The following COX7B2 variants were observed in gnomAD, a reference collection of about 807,000 sequenced individuals.
The protein encoded by COX7B2 is cytochrome c oxidase subunit 7B2, mitochondrial.
For synonymous variants in COX7B2, 37 were observed against 32.1 expected (o/e 1.15, Z -0.51); for missense variants, 109 against 95.9 (o/e 1.14, Z -0.57).
intron 2 of COX7B2, among the ~76,000 whole-genome samples, chr4:46,775,312 G>T (rs1295639380): frequency 1.3e-5 from 2 of 152,050 alleles, no homozygotes; most frequent in African/African-American, 4.8e-5. Flanking sequence ...TAGTGTTACG[G>T]TCATATGTTG....
intron 2 of COX7B2, among the ~76,000 whole-genome samples, chr4:46,761,396 C>T (rs1716136783): frequency 6.6e-6 from 1 of 152,248 alleles, no homozygotes; most frequent in African/African-American, 2.4e-5. Flanking sequence ...TTACAAATGG[C>T]CTTCACTAAA....
In COX7B2 at chr4:46,839,609, T is replaced by C. The variant is rs1056290590; in HGVS notation, c.-50+5351A>G. ...ACACGAGAGATTCATTTCCTGATTATCGAAATTTTTCATATTTTAGGGCAT... is the reference window on the plus strand; with the variant it reads ...ACACGAGAGATTCATTTCCTGATTACCGAAATTTTTCATATTTTAGGGCAT... On this transcript the variant is annotated intron_variant, in intron 2 of 2. Coordinates refer to ENST00000355591, the MANE Select transcript of COX7B2 (RefSeq NM_130902.3). 2.6e-5 allele frequency among the ~76,000 whole-genome samples: 4 copies of C among 152,074 alleles called. No homozygotes were observed. The South Asian group carries it at 8.3e-4, about 32-fold the overall frequency.
At chr4:46,749,518 T>C (rs1715220630) in intron 2 of COX7B2, among the ~76,000 whole-genome samples, 1 of 152,108 alleles carries the variant, frequency 6.6e-6, no homozygotes, top group Non-Finnish European at 1.5e-5. Flanking sequence ...TAATTTACAT[T>C]AAAAATATTG....
chr4:46,746,574 A>G (rs1397748928), intron 2 of COX7B2, among the ~76,000 whole-genome samples: 1 of 152,130 alleles, frequency 6.6e-6, no homozygotes, highest in Non-Finnish European at 1.5e-5. Flanking sequence ...ATTGAGAGAG[A>G]CCAGTGGACT....
intron 2 of COX7B2, among the ~76,000 whole-genome samples, chr4:46,788,140 A>G (rs2109575458): frequency 6.6e-6 from 1 of 152,344 alleles, no homozygotes; most frequent in African/African-American, 2.4e-5. Flanking sequence ...GAGTAGTAGT[A>G]GAGTAAAACA....
intron 1 of COX7B2, among the ~76,000 whole-genome samples, chr4:46,845,341 A>G (rs1402204464): frequency 6.6e-6 from 1 of 151,734 alleles, no homozygotes; most frequent in African/African-American, 2.4e-5. Context: ...CCTGTACCCA[A>G]CCTCAAATGG....
intron 2 of COX7B2, among the ~76,000 whole-genome samples, chr4:46,833,069 C>G (rs1203442948): frequency 6.6e-6 from 1 of 152,102 alleles, no homozygotes; most frequent in Non-Finnish European, 1.5e-5. Context: ...CGGTGCCCGG[C>G]TAATTTTGTA....
chr4:46,777,720 A>G (rs1717234942), intron 2 of COX7B2, among the ~76,000 whole-genome samples: 2 of 152,234 alleles, frequency 1.3e-5, no homozygotes, highest in South Asian at 4.1e-4. Context: ...TAAGAACCAA[A>G]AGACTAGGAA....
chr4:46,837,003 C>T (rs1472327707), intron 2 of COX7B2, among the ~76,000 whole-genome samples: 1 of 152,132 alleles, frequency 6.6e-6, no homozygotes, highest in Non-Finnish European at 1.5e-5. Flanking sequence ...TACAGTTTTA[C>T]ATATAGATTA....
At chr4:46,868,289 T>C (rs542100799) in intron 1 of COX7B2, among the ~76,000 whole-genome samples, 4 of 152,066 alleles carry the variant, frequency 2.6e-5, no homozygotes, top group Admixed American at 2.6e-4. Context: ...TTCTAGCTAG[T>C]GGCCTATCCT....
At chr4:46,832,131 C>G (rs1297922915) in intron 2 of COX7B2, among the ~76,000 whole-genome samples, 1 of 152,166 alleles carries the variant, frequency 6.6e-6, no homozygotes, top group Non-Finnish European at 1.5e-5. Context: ...TCCCCTTCCA[C>G]ACCGTGGAAG....
chr4:46,820,487 G>A (rs997265177), intron 2 of COX7B2, among the ~76,000 whole-genome samples: 1 of 152,124 alleles, frequency 6.6e-6, no homozygotes, highest in African/African-American at 2.4e-5. Context: ...TGGCCTGCGG[G>A]TTGGGGATCC....
chr4:46,824,654 TAAA>T (rs34090448), intron 2 of COX7B2, among the ~76,000 whole-genome samples: 15 of 130,240 alleles, frequency 1.2e-4, no homozygotes, highest in African/African-American at 1.4e-4. Context: ...ACTGTTTGTG[TAAA>T]AAAAAAAAAA....
At chr4:46,753,529 G>T (rs1460744338) in intron 2 of COX7B2, among the ~76,000 whole-genome samples, 3 of 151,574 alleles carry the variant, frequency 2.0e-5, no homozygotes, top group Non-Finnish European at 4.4e-5. Context: ...GCTGAAACTG[G>T]ATCCCTTCCT....
chr4:46,853,298 A>G (rs1716810946), intron 1 of COX7B2, among the ~76,000 whole-genome samples: 1 of 152,150 alleles, frequency 6.6e-6, no homozygotes, highest in African/African-American at 2.4e-5. Context: ...GATACCTCTC[A>G]TTCTAATCCA....
intron 2 of COX7B2, among the ~76,000 whole-genome samples, chr4:46,822,631 C>G (rs1210181667): frequency 2.0e-5 from 3 of 152,076 alleles, no homozygotes; most frequent in Non-Finnish European, 4.4e-5. Context: ...TTTAAAATGG[C>G]CTTTATGGCC....
At chr4:46,871,292 C>A (rs1717976394) in intron 1 of COX7B2, among the ~76,000 whole-genome samples, 1 of 152,128 alleles carries the variant, frequency 6.6e-6, no homozygotes, top group Non-Finnish European at 1.5e-5. Flanking sequence ...TAGCCATCTG[C>A]AGAAGATTGA....
At chr4:46,737,318 T>C (rs1445443071) in intron 2 of COX7B2, among the ~76,000 whole-genome samples, 1 of 152,166 alleles carries the variant, frequency 6.6e-6, no homozygotes, top group Non-Finnish European at 1.5e-5. Flanking sequence ...ATTTTAAGAG[T>C]TCTTTGTATA....
At chr4:46,907,656 C>A (rs1348744752) in intron 1 of COX7B2, among the ~76,000 whole-genome samples, 1 of 150,682 alleles carries the variant, frequency 6.6e-6, no homozygotes, top group East Asian at 2.0e-4. Flanking sequence ...GTGTGAATCT[C>A]AAAGATCAAA....
Sources: allele counts gnomAD v4.1 joint callset (sites outside exome capture counted in the v4.1 genomes callset), GRCh38; gene constraint gnomAD v4.1.1; transcripts MANE v1.5; gene names NCBI Gene and HGNC (gene_info 2026-07-23, HGNC 2026-07-21).